The following TNIP3 variants were observed in gnomAD, a reference collection of about 807,000 sequenced individuals.
TNIP3 encodes TNFAIP3 interacting protein 3, also known as TNFAIP3-interacting protein 3.
Under a neutral mutation model 54.1 loss-of-function variants are expected in TNIP3, and 34 were observed. The ratio of observed to expected loss-of-function variants is 0.63; its 90% CI spans 0.48 to 0.84. The LOEUF (loss-of-function observed/expected upper bound fraction) is 0.84, where lower values mean the gene tolerates loss of function less well. TNIP3 is among the 40% of genes least tolerant of loss of function. TNIP3 has a pLI of 0.00. For synonymous variants in TNIP3, 134 were observed against 136.8 expected, an observed-to-expected ratio of 0.98 and a Z score of 0.14; for missense variants, 366 against 387.6, an observed-to-expected ratio of 0.94 and a Z score of 0.47.
chr4:121,182,045 T>C (rs890012833), intron 3 of TNIP3, among the ~76,000 whole-genome samples: 3 of 152,198 alleles, frequency 2.0e-5, no homozygotes, highest in African/African-American at 7.2e-5. Context: ...ATTAGATTTT[T>C]TTTTTTAGTA....
chr4:121,218,441 A>G (rs1194944203), upstream of TNIP3, among the ~76,000 whole-genome samples: 2 of 152,350 alleles, frequency 1.3e-5, no homozygotes, highest in East Asian at 3.9e-4. Context: ...TCTATCCAGG[A>G]AGTAAAAATA....
intron 10 of TNIP3, among the ~76,000 whole-genome samples, chr4:121,135,065 GT>G (rs1299055179): frequency 2.6e-5 from 4 of 152,228 alleles, no homozygotes. Context: ...TGATGGGAAG[GT>G]GGGGAGAGAA....
At chr4:121,138,776 A>G (rs1267905923) in intron 9 of TNIP3, 92 bp from the exon 10 acceptor site, 3 of 1,179,894 alleles carry the variant, frequency 2.5e-6, no homozygotes, top group Non-Finnish European at 3.8e-6. Flanking sequence ...GCTTTTATTA[A>G]GCAGGCAACA....
intron 1 of TNIP3, among the ~76,000 whole-genome samples, chr4:121,162,900 G>A (rs917438721): frequency 5.3e-5 from 8 of 152,158 alleles, no homozygotes; most frequent in Non-Finnish European, 1.0e-4. Flanking sequence ...ACAAAAATCC[G>A]TGATTGGCAA....
intron 1 of TNIP3, among the ~76,000 whole-genome samples, chr4:121,223,244 C>T (rs998653082): frequency 2.0e-4 from 31 of 152,192 alleles, no homozygotes; most frequent in East Asian, 1.9e-4. Flanking sequence ...GATGCTCACC[C>T]GCTTGAAAGG....
intron 1 of TNIP3, among the ~76,000 whole-genome samples, chr4:121,226,906 CT>C (rs1727280233): frequency 6.7e-6 from 1 of 149,910 alleles, no homozygotes; most frequent in African/African-American, 2.4e-5. Flanking sequence ...AAAATGTCCC[CT>C]GCAGAGGAAC....
chr4:121,147,300 TCA>T, intron 6 of TNIP3, 126 bp from the exon 7 acceptor site: 1 of 1,199,274 alleles, frequency 8.3e-7, no homozygotes, highest in Non-Finnish European at 1.1e-6. Flanking sequence ...GTGTTCAGTG[TCA>T]CTGTTTTGGA....
intron 2 of TNIP3, among the ~76,000 whole-genome samples, chr4:121,209,852 C>T (rs988599771): frequency 1.1e-4 from 16 of 152,154 alleles, no homozygotes; most frequent in Admixed American, 1.0e-3. Flanking sequence ...AAGAACTATT[C>T]TACGTACTTC....
chr4:121,216,151 C>A (rs542723875), intron 2 of TNIP3, among the ~76,000 whole-genome samples: 5 of 152,212 alleles, frequency 3.3e-5, no homozygotes, highest in East Asian at 3.9e-4. Context: ...CAAGGCTTGT[C>A]AATGGAAATT....
At chr4:121,202,895 G>C (rs551053480) in intron 2 of TNIP3, among the ~76,000 whole-genome samples, 1 of 152,194 alleles carries the variant, frequency 6.6e-6, no homozygotes, top group South Asian at 2.1e-4. Flanking sequence ...ACTCCTGCAA[G>C]AATGGCCATA....
At chr4:121,216,462 G>A (rs985994117) in exon 2 of TNIP3, 21 of 1,535,498 alleles carry the variant, frequency 1.4e-5, no homozygotes, top group East Asian at 4.9e-5. Flanking sequence ...GTTTATCGTC[G>A]TGTTTCTCAT....
At chr4:121,171,255 G>A (rs112872975) in intron 3 of TNIP3, among the ~76,000 whole-genome samples, 4,700 of 152,246 alleles carry the variant, frequency 0.031, 105 homozygotes, top group Admixed American at 0.038. Flanking sequence ...AATTTCAAGA[G>A]CTAGTGTTTT....
Position 121,164,078 on chromosome 4 carries a change from A to C in TNIP3, c.48T>G (p.Ser16Arg). 6.2e-7 allele frequency: 1 copy of C among 1,613,736 alleles called. No individual in the cohort carries two copies. Among genetic ancestry groups the C allele is most frequent in the South Asian group, 1.1e-5 (1 of 91,052 alleles). ...QGTSRMIAAE[S>R]STEHKECAEP... ...TTCTTACCTCTTTATGCTCCGTAGAACTTTCTGCGGCAATCATTCTAGATG... is the reference window on the plus strand; with the variant it reads ...TTCTTACCTCTTTATGCTCCGTAGACCTTTCTGCGGCAATCATTCTAGATG... Residue 16 changes from serine to arginine, a missense_variant, in exon 1 of 11, where the codon AGT becomes AGG. By Grantham distance (110) the Ser-to-Arg change is moderately radical. Transcript: ENST00000057513.
chr4:121,159,840 C>T (rs1376195380), intron 2 of TNIP3, among the ~76,000 whole-genome samples: 1 of 152,150 alleles, frequency 6.6e-6, no homozygotes, highest in African/African-American at 2.4e-5. Context: ...GAAATTCCAA[C>T]GCTTATCTAT....
chr4:121,208,280 C>T (rs1286176159), intron 2 of TNIP3, among the ~76,000 whole-genome samples: 2 of 152,126 alleles, frequency 1.3e-5, no homozygotes, highest in African/African-American at 2.4e-5. Flanking sequence ...CATCAAGATT[C>T]GAAATCTCCC....
chr4:121,161,321 G>A (rs1375310966), intron 1 of TNIP3, 105 bp from the exon 2 acceptor site: 9 of 931,978 alleles, frequency 9.7e-6, no homozygotes, highest in East Asian at 2.6e-5. Context: ...CTCCTGTTGC[G>A]ATTTAAAAAA....
intron 10 of TNIP3, among the ~76,000 whole-genome samples, chr4:121,135,059 G>A (rs1052036862): frequency 6.6e-5 from 10 of 152,188 alleles, no homozygotes; most frequent in Non-Finnish European, 1.2e-4. Context: ...TCCTTATGAT[G>A]GGAAGGTGGG....
chr4:121,147,388 A>G (rs1042626377), intron 6 of TNIP3, among the ~76,000 whole-genome samples: 2 of 152,180 alleles, frequency 1.3e-5, no homozygotes, highest in African/African-American at 4.8e-5. Context: ...GTTTACTGAC[A>G]ATAGATGTTA....
chr4:121,215,131 A>G (rs919598543), intron 2 of TNIP3, among the ~76,000 whole-genome samples: 3 of 152,128 alleles, frequency 2.0e-5, no homozygotes, highest in African/African-American at 4.8e-5. Flanking sequence ...TTTAAACACT[A>G]TTGTTAGAGT....
Sources: gnomAD v4.1 joint callset for allele counts (sites outside exome capture counted in the v4.1 genomes callset) on GRCh38, gnomAD v4.1.1 for gene constraint, MANE v1.5 for transcripts, NCBI Gene and HGNC (gene_info 2026-07-23, HGNC 2026-07-21) for gene names.